The following FKBP5 variants were observed in gnomAD, a reference collection of about 807,000 sequenced individuals.
FKBP5 encodes the protein FKBP prolyl isomerase 5, also known as peptidyl-prolyl cis-trans isomerase FKBP5.
In FKBP5, 23 loss-of-function variants were observed where a neutral mutation model predicts 50.5. The ratio of observed to expected loss-of-function variants is 0.46; its 90% CI spans 0.33 to 0.65. The LOEUF is 0.65. Ranked by LOEUF, FKBP5 falls within the 30% of genes least tolerant of loss-of-function variation. The pLI is 0.02. For synonymous variants in FKBP5, 176 were observed against 190.6 expected, an observed-to-expected ratio of 0.92 and a Z score of 0.63; for missense variants, 411 against 553.1, an observed-to-expected ratio of 0.74 and a Z score of 2.58.
intron 5 of FKBP5, among the ~76,000 whole-genome samples, chr6:35,609,729 A>G (rs547197323): frequency 6.6e-6 from 1 of 152,076 alleles, no homozygotes; most frequent in East Asian, 1.9e-4. Context: ...CTTTCAGATC[A>G]CCTGATTTCA....
rs987970067 is a variant in FKBP5 at position 35,656,822 on chromosome 6, G to A, written c.-19-13979C>T. Among the ~76,000 whole-genome samples, 8 of 151,854 alleles carry A rather than the reference G, an allele frequency of 5.3e-5. No individual in the cohort carries two copies. The East Asian group carries it at 1.2e-3, about 22-fold the overall frequency. On this transcript the variant is annotated intron_variant, in intron 1 of 10. Coordinates refer to ENST00000357266, the MANE Select transcript of FKBP5 (RefSeq NM_004117.4). ...TGAGGCAGGAGAATTGCTTGAACCC[G>A]GGAGGTGGAGGTTGCAGTGAGATGA...
chr6:35,582,730 TAC>T, intron 8 of FKBP5: 1 of 984,840 alleles, frequency 1.0e-6, no homozygotes, highest in Non-Finnish European at 1.2e-6. Flanking sequence ...TTTTGGATGC[TAC>T]AAAAAAAAAA....
chr6:35,615,931 T>C (rs1436432162), intron 5 of FKBP5, among the ~76,000 whole-genome samples: 1 of 152,180 alleles, frequency 6.6e-6, no homozygotes, highest in Non-Finnish European at 1.5e-5. Context: ...ACTTCAGTGG[T>C]ATTTTCAAAA....
At chr6:35,714,962 T>C (rs768209083) in intron 2 of FKBP5, among the ~76,000 whole-genome samples, 5 of 152,016 alleles carry the variant, frequency 3.3e-5, no homozygotes, top group Non-Finnish European at 7.4e-5. Context: ...GGCTGGAGTG[T>C]AGTCGCACGA....
intron 1 of FKBP5, among the ~76,000 whole-genome samples, chr6:35,663,677 G>A (rs932764933): frequency 4.6e-5 from 7 of 152,052 alleles, no homozygotes; most frequent in African/African-American, 1.7e-4. Flanking sequence ...CCACTACCTG[G>A]AACTCTTCCC....
intron 5 of FKBP5, among the ~76,000 whole-genome samples, chr6:35,598,995 TAAATAA>T (rs1763065066): frequency 6.6e-6 from 1 of 151,622 alleles, no homozygotes; most frequent in Non-Finnish European, 1.5e-5. Flanking sequence ...AAAAAATAAA[TAAATAA>T]AAATAAAAAA....
At chr6:35,586,765 G>A (rs2150956548) in intron 8 of FKBP5, 1 of 1,361,888 alleles carries the variant, frequency 7.3e-7, no homozygotes, top group South Asian at 1.8e-5. Context: ...GAGTGATACT[G>A]TGGTGGGTGG....
intron 5 of FKBP5, among the ~76,000 whole-genome samples, chr6:35,614,863 T>C (rs1041162149): frequency 2.6e-5 from 4 of 151,898 alleles, no homozygotes. Context: ...GGTGGCTCAT[T>C]CCTGTAATTC....
At position 35,648,778 on chromosome 6, in the gene FKBP5, A is replaced by G. The variant is rs556425900; in HGVS notation, c.-19-5935T>C. 3.2e-4 allele frequency among the ~76,000 whole-genome samples: 49 copies of G among 152,138 alleles called. 1 individual carries two copies. The highest frequency in any genetic ancestry group is 2.9e-3 in the Admixed American group (44 of 15,270). On this transcript the variant is annotated intron_variant, in intron 1 of 10. Transcript: ENST00000357266. Reference sequence around the variant, plus strand: ...AGCCTGGCTAATATGGAAAAACCCCATCTCTACTGAAAATACAAAAACTGG... The same window carrying G: ...AGCCTGGCTAATATGGAAAAACCCCGTCTCTACTGAAAATACAAAAACTGG...
intron 1 of FKBP5, among the ~76,000 whole-genome samples, chr6:35,676,459 T>TGGTTTATAAATAA (rs1765523963): frequency 6.6e-6 from 1 of 152,190 alleles, no homozygotes; most frequent in Non-Finnish European, 1.5e-5. Context: ...AAATAAAGGC[T>TGGTTTATAAATAA]CGGAATGGTT....
intron 1 of FKBP5, among the ~76,000 whole-genome samples, chr6:35,676,699 A>C (rs1182668487): frequency 6.6e-6 from 1 of 152,204 alleles, no homozygotes; most frequent in Non-Finnish European, 1.5e-5. Flanking sequence ...ATCTAGGGCA[A>C]TATAGTATTT....
intron 5 of FKBP5, among the ~76,000 whole-genome samples, chr6:35,614,847 G>A (rs185269221): frequency 2.2e-4 from 33 of 152,142 alleles, no homozygotes; most frequent in African/African-American, 3.9e-4. Flanking sequence ...CAGGCTGGCC[G>A]GGCACGGTGG....
chr6:35,610,132 A>G (rs1763444655), intron 5 of FKBP5, among the ~76,000 whole-genome samples: 1 of 152,146 alleles, frequency 6.6e-6, no homozygotes, highest in Admixed American at 6.6e-5. Context: ...AAGGGTGAAG[A>G]TTTCACAAAT....
intron 9 of FKBP5, among the ~76,000 whole-genome samples, chr6:35,578,146 T>C (rs941397826): frequency 4.0e-5 from 6 of 151,440 alleles, no homozygotes; most frequent in Middle Eastern, 3.4e-3. Flanking sequence ...AAAAAAACCA[T>C]AAAATGTTTC....
At chr6:35,608,962 TA>T (rs1763412368) in intron 5 of FKBP5, among the ~76,000 whole-genome samples, 2 of 152,160 alleles carry the variant, frequency 1.3e-5, no homozygotes, top group African/African-American at 4.8e-5. Flanking sequence ...CATGCCTGGC[TA>T]AATCTTGTAT....
At chr6:35,651,563 A>C (rs1764799251) in intron 1 of FKBP5, among the ~76,000 whole-genome samples, 1 of 152,176 alleles carries the variant, frequency 6.6e-6, no homozygotes, top group South Asian at 2.1e-4. Flanking sequence ...AATAATTAAG[A>C]TAAAAAGTAC....
chr6:35,579,455 C>T (rs1014258689), intron 9 of FKBP5, among the ~76,000 whole-genome samples: 1 of 151,888 alleles, frequency 6.6e-6, no homozygotes, highest in African/African-American at 2.4e-5. Flanking sequence ...TATATCAGAA[C>T]GATACATAAC....
intron 1 of FKBP5, among the ~76,000 whole-genome samples, chr6:35,664,160 A>G (rs1236698848): frequency 6.6e-6 from 1 of 152,226 alleles, no homozygotes; most frequent in Non-Finnish European, 1.5e-5. Context: ...AATTCACAGT[A>G]TGTTCTTCTA....
intron 2 of FKBP5, among the ~76,000 whole-genome samples, chr6:35,637,729 T>C (rs1764358432): frequency 6.6e-6 from 1 of 152,150 alleles, no homozygotes; most frequent in Admixed American, 6.6e-5. Flanking sequence ...CCCAAAGTGC[T>C]GGGATTACAA....
Sources: gnomAD v4.1 joint callset for allele counts (sites outside exome capture counted in the v4.1 genomes callset) on GRCh38, gnomAD v4.1.1 for gene constraint, MANE v1.5 for transcripts, NCBI Gene and HGNC (gene_info 2026-07-23, HGNC 2026-07-21) for gene names.